Variants in ZNF658 observed in about 807,000 individuals in gnomAD.
ZNF658 encodes zinc finger protein 658.
In ZNF658, 46 loss-of-function variants were observed where a neutral mutation model predicts 78.0. The ratio of observed to expected loss-of-function variants is 0.59; its 90% CI spans 0.47 to 0.75. The LOEUF is 0.75. Among genes scored for constraint, ZNF658 ranks in the 30% least tolerant of loss-of-function variants. ZNF658 has a pLI of 0.00. For synonymous variants in ZNF658, 279 were observed against 408.4 expected (o/e 0.68, Z 3.82); for missense variants, 785 against 1,189.3 (o/e 0.66, Z 5.00).
chr9:66,903,030 T>A (rs1375890665), intron 1 of ZNF658: 1 of 156,458 alleles, frequency 6.4e-6, no homozygotes, highest in Non-Finnish European at 1.4e-5. Flanking sequence ...CCCGGCTGAG[T>A]AGTTCTTTGA....
chr9:66,900,836 G>C lies in ZNF658; in HGVS notation c.-45G>C, dbSNP rs1463303782. 6.6e-6 allele frequency: 1 copy of C among 152,346 alleles called. No individual in the cohort carries two copies. Among genetic ancestry groups the C allele is most frequent in the East Asian group, 1.9e-4 (1 of 5,162 alleles). The allele number at this position is 152,346 out of a possible 1,614,324, so 9.4% of individuals were successfully genotyped here. On this transcript the variant is annotated splice_region_variant and 5_prime_UTR_variant, in exon 1 of 5. Transcript: ENST00000621410. ...GCGGGAGCCGAGGCTGCGCACCTGG[G>C]GTGAGAGCGTCGGTGACAGGGCTCC...
intron 4 of ZNF658, among the ~76,000 whole-genome samples, chr9:66,912,930 C>T (rs1268563751): frequency 6.6e-6 from 1 of 151,996 alleles, no homozygotes; most frequent in African/African-American, 2.4e-5. Flanking sequence ...TGCCTGTAAT[C>T]CCAGCTGCTT....
chr9:66,914,941 C>T (rs931077224), intron 4 of ZNF658, among the ~76,000 whole-genome samples: 1 of 151,914 alleles, frequency 6.6e-6, no homozygotes, highest in Non-Finnish European at 1.5e-5. Context: ...GGAAATATTC[C>T]ATCTTTTATT....
At chr9:66,909,101 CA>C (rs200534435) in intron 4 of ZNF658, among the ~76,000 whole-genome samples, 2,723 of 152,032 alleles carry the variant, frequency 0.018, 64 homozygotes, top group African/African-American at 0.061. Flanking sequence ...CATTTTGTAT[CA>C]AGGACTTGGG....
At chr9:66,907,283 G>A (rs1229068497) in intron 2 of ZNF658, among the ~76,000 whole-genome samples, 3 of 151,954 alleles carry the variant, frequency 2.0e-5, no homozygotes, top group African/African-American at 7.3e-5. Context: ...CTGGTTGAAC[G>A]AACAGTTCTA....
At chr9:66,910,743 C>T (rs1321863465) in intron 4 of ZNF658, among the ~76,000 whole-genome samples, 3 of 149,844 alleles carry the variant, frequency 2.0e-5, no homozygotes, top group East Asian at 2.0e-4. Context: ...TTGCAGTGAG[C>T]CGAGATAGCA....
intron 1 of ZNF658, among the ~76,000 whole-genome samples, chr9:66,901,897 G>A (rs1452995315): frequency 1.3e-5 from 2 of 152,114 alleles, no homozygotes; most frequent in East Asian, 1.9e-4. Flanking sequence ...AGCCAAGATT[G>A]CACCACTGCA....
At chr9:66,925,456 G>T (rs370982389), downstream of ZNF658, among the ~76,000 whole-genome samples, 11 of 151,922 alleles carry the variant, frequency 7.2e-5, 1 homozygote, top group South Asian at 8.3e-4. Flanking sequence ...ACTGCTGTGA[G>T]AAAAAATACA....
At chr9:66,921,745 G>A (rs1587370956), downstream of ZNF658, among the ~76,000 whole-genome samples, 2 of 151,230 alleles carry the variant, frequency 1.3e-5, no homozygotes, top group East Asian at 3.9e-4. Flanking sequence ...GCTGTATGAG[G>A]TGTCAGTCGG....
chr9:66,907,299 G>T (rs573358585), intron 2 of ZNF658, among the ~76,000 whole-genome samples: 1 of 151,980 alleles, frequency 6.6e-6, no homozygotes, highest in Non-Finnish European at 1.5e-5. Context: ...TTCTAGCTAC[G>T]TATCAACATG....
At chr9:66,925,570 T>TGAATAA (rs1215254243), downstream of ZNF658, among the ~76,000 whole-genome samples, 1 of 151,364 alleles carries the variant, frequency 6.6e-6, no homozygotes, top group African/African-American at 2.4e-5. Flanking sequence ...AGGCAAACAG[T>TGAATAA]GAATAAGGAG....
Position 66,920,311 on chromosome 9 carries a change from T to A in ZNF658, c.2745T>A (p.Cys915Ter), listed in dbSNP as rs1245835316. The change falls in exon 5 of 5, where the codon TGT becomes TGA. Residue 915 changes from cysteine (C) to a stop codon, truncating the protein, a stop_gained. Coordinates refer to ENST00000621410, the MANE Select transcript of ZNF658 (RefSeq NM_033160.7). LOFTEE classifies it high-confidence loss of function. ...SGEKPYECSECGKTFSEKSYV... is the reference protein window; with the variant it reads ...SGEKPYECSE Reference sequence around the variant, plus strand: ...AGAAACCCTATGAATGCAGTGAATGTGGGAAAACCTTCTCTGAGAAGTCAT... The same window carrying A: ...AGAAACCCTATGAATGCAGTGAATGAGGGAAAACCTTCTCTGAGAAGTCAT... The A allele has an allele frequency of 1.2e-6, 2 of 1,613,712 alleles. No homozygotes were observed. The highest frequency in any genetic ancestry group is 1.7e-6 in the Non-Finnish European group (2 of 1,179,878).
At chr9:66,922,297 C>A (rs1236728833), downstream of ZNF658, among the ~76,000 whole-genome samples, 1 of 152,122 alleles carries the variant, frequency 6.6e-6, no homozygotes, top group Non-Finnish European at 1.5e-5. Flanking sequence ...CCTTCTGCTT[C>A]CCGGGTGAGG....
At chr9:66,908,198 C>A (rs1475534842) in intron 2 of ZNF658, 40 bp from the exon 3 acceptor site, 9 of 1,613,398 alleles carry the variant, frequency 5.6e-6, no homozygotes, top group Non-Finnish European at 7.6e-6. Context: ...AACCCTTGAA[C>A]AAACCATTGT....
chr9:66,917,948 G>A lies in ZNF658; in HGVS notation c.382G>A (p.Ala128Thr). Reference protein sequence around the residue: ...VLEKPFNLEIAPELSEKISCK... With the variant: ...VLEKPFNLEITPELSEKISCK... ...AGAAAAACCATTTAATCTGGAAATA[G>A]CTCCAGAGCTTTCAGAAAAAATATC... is the stretch of plus-strand genomic sequence containing the variant. Residue 128 changes from alanine (A) to threonine (T), a missense_variant, in exon 5 of 5, where the codon GCT (alanine) becomes ACT (threonine). Around this residue, in one of 12 missense-constraint regions of ZNF658, gnomAD observed 54 missense variants for 48.9 expected, o/e 1.10. Transcript: ENST00000621410. 1.9e-6 allele frequency: 3 copies of A among 1,610,370 alleles called. No homozygotes were observed. Among genetic ancestry groups the A allele is most frequent in the East Asian group, 2.2e-5 (1 of 44,776 alleles).
downstream of ZNF658, among the ~76,000 whole-genome samples, chr9:66,921,964 G>A (rs1214645909): frequency 3.2e-5 from 4 of 123,850 alleles, no homozygotes; most frequent in East Asian, 8.8e-4. Flanking sequence ...GTCTACAGAG[G>A]CAGGCAGGCC....
rs1280685032 is a variant in ZNF658, at chr9:66,917,517, G to A, written c.239-288G>A. 1.0e-4 allele frequency among the ~76,000 whole-genome samples: 6 copies of A among 57,292 alleles called. 1 individual carries two copies. In the East Asian group the frequency reaches 3.3e-3, roughly 31 times the overall value. 37.6% of individuals were successfully genotyped at this position (57,292 alleles called of 152,430 possible). A position where few individuals can be genotyped will look rare whatever the true frequency, so the allele number is the denominator to read the frequency against. ...GCTTGAGCTCAGGAGTTTAAGATCA[G>A]CCTGGGCAATGTAGCAAGACCCTCT... On this transcript the variant is annotated intron_variant, in intron 4 of 4. Transcript: ENST00000621410.
Position 66,919,747 on chromosome 9 carries a change from A to C in ZNF658, c.2181A>C (p.Ser727=). ...NECEKTFAHN[S]ALRAHQNIHT... ...GTGAGAAAACATTTGCCCATAATTC[A>C]GCCCTTAGAGCACATCAGAATATCC... Residue 727 remains serine (S), a synonymous_variant, in exon 5 of 5, where the codon TCA becomes TCC. Coordinates refer to ENST00000621410, the MANE Select transcript of ZNF658 (RefSeq NM_033160.7). 6.2e-7 allele frequency: 1 copy of C among 1,612,480 alleles called. No individual in the cohort carries two copies. Among genetic ancestry groups the C allele is most frequent in the Non-Finnish European group, 8.5e-7 (1 of 1,179,874 alleles).
intron 4 of ZNF658, among the ~76,000 whole-genome samples, chr9:66,909,749 T>C (rs1290290526): frequency 6.6e-6 from 1 of 152,214 alleles, no homozygotes; most frequent in Non-Finnish European, 1.5e-5. Context: ...TTTTTGATTC[T>C]AGCCACCCCA....
Sources: gnomAD v4.1 joint callset for allele counts (sites outside exome capture counted in the v4.1 genomes callset) on GRCh38, gnomAD v4.1.1 for gene constraint, gnomAD v4.1.1 regional missense constraint, MANE v1.5 for transcripts, NCBI Gene and HGNC (gene_info 2026-07-23, HGNC 2026-07-21) for gene names.